DIS3L2: variants seen among roughly 807,000 people sequenced by gnomAD.
The protein encoded by DIS3L2 is DIS3-like exonuclease 2.
In DIS3L2, 34 loss-of-function variants were observed where a neutral mutation model predicts 97.5. The ratio of observed to expected loss-of-function variants is 0.35; its 90% CI spans 0.27 to 0.46. The LOEUF is 0.46. Ranked by LOEUF, DIS3L2 falls within the 20% of genes least tolerant of loss-of-function variation. DIS3L2 has a pLI of 1.00. For missense variants in DIS3L2, 1,038 were observed against 1,146.0 expected (o/e 0.91, Z 1.36); for synonymous variants, 435 against 445.2 (o/e 0.98, Z 0.29).
rs140017779 is a variant in DIS3L2, at chr2:232,124,462, A to G, written c.602-6157A>G. Among the ~76,000 whole-genome samples the G allele has an allele frequency of 4.8e-3, 726 of 152,310 alleles. 5 individuals carry two copies. The highest frequency in any genetic ancestry group is 7.5e-3 in the Non-Finnish European group (512 of 68,032). ...TTTTGAAGAGAAAAAGTCAGTGGAT[A>G]GATTTAACAGCAGATTGGATAAAGT... On this transcript the variant is annotated intron_variant, in intron 6 of 20. Transcript: ENST00000325385.
intron 5 of DIS3L2, among the ~76,000 whole-genome samples, chr2:232,047,010 C>A (rs1434671957): frequency 1.3e-5 from 2 of 152,094 alleles, no homozygotes; most frequent in African/African-American, 4.8e-5. Flanking sequence ...TTACTGGACT[C>A]CAGCTTCACT....
At chr2:232,113,809 C>A (rs1697617022) in intron 6 of DIS3L2, among the ~76,000 whole-genome samples, 1 of 152,222 alleles carries the variant, frequency 6.6e-6, no homozygotes, top group African/African-American at 2.4e-5. Flanking sequence ...AACAAACCTC[C>A]TTCTTGCCTG....
intron 1 of DIS3L2, among the ~76,000 whole-genome samples, chr2:231,976,528 C>T (rs922875936): frequency 2.6e-5 from 4 of 151,176 alleles, no homozygotes; most frequent in Non-Finnish European, 4.4e-5. Flanking sequence ...ACTTGGGGGG[C>T]TGTGGTGGGA....
chr2:232,042,704 A>T (rs1202977370), intron 5 of DIS3L2, among the ~76,000 whole-genome samples: 1 of 152,234 alleles, frequency 6.6e-6, no homozygotes, highest in Non-Finnish European at 1.5e-5. Context: ...GAAATGTCTG[A>T]AATAAGGAGT....
Position 232,029,998 on chromosome 2 carries a change from T to G in DIS3L2, c.284T>G (p.Phe95Cys). Reference sequence around the variant, plus strand: ...ACCTAGGATGGTGATCGAGACATTTTTATTGATGGGGTTGTTGCTCGTAAT... The same window carrying G: ...ACCTAGGATGGTGATCGAGACATTTGTATTGATGGGGTTGTTGCTCGTAAT... The part of the protein sequence containing the change: ...IPSPDGDRDI[F>C]IDGVVARNRA... Residue 95 changes from phenylalanine (F) to cysteine (C), a missense_variant, in exon 5 of 21, where the codon TTT becomes TGT. Phe to Cys is a radical substitution (Grantham distance 205). Around this residue, in one of 3 missense-constraint regions of DIS3L2, gnomAD observed 813 missense variants for 880.1 expected, o/e 0.92. Transcript: ENST00000325385. 1 of 1,605,622 alleles carries G rather than the reference T, an allele frequency of 6.2e-7. No individual in the cohort carries two copies. The highest frequency in any genetic ancestry group is 1.1e-5 in the South Asian group (1 of 88,926).
intron 13 of DIS3L2, among the ~76,000 whole-genome samples, chr2:232,294,659 T>C (rs1694681153): frequency 6.6e-6 from 1 of 152,102 alleles, no homozygotes; most frequent in Non-Finnish European, 1.5e-5. Flanking sequence ...TCAACTCCCT[T>C]ATCCAGTGAC....
At chr2:232,161,650 T>A (rs1690655154) in intron 8 of DIS3L2, among the ~76,000 whole-genome samples, 1 of 152,164 alleles carries the variant, frequency 6.6e-6, no homozygotes, top group South Asian at 2.1e-4. Flanking sequence ...TTTGTATTTT[T>A]AGTAGAAACG....
chr2:232,160,788 C>A (rs778977604), intron 8 of DIS3L2, among the ~76,000 whole-genome samples: 1 of 152,042 alleles, frequency 6.6e-6, no homozygotes, highest in South Asian at 2.1e-4. Flanking sequence ...CCTGGGAAGT[C>A]GAGGCTGCAG....
intron 9 of DIS3L2, among the ~76,000 whole-genome samples, chr2:232,205,238 A>ATATATATATAT (rs1691998820): frequency 6.9e-6 from 1 of 144,178 alleles, no homozygotes; most frequent in African/African-American, 2.6e-5. Context: ...ATATATATAT[A>ATATATATATAT]AAATGCAGTG....
chr2:232,204,190 A>C (rs750828068), intron 9 of DIS3L2, among the ~76,000 whole-genome samples: 1 of 152,168 alleles, frequency 6.6e-6, no homozygotes, highest in Non-Finnish European at 1.5e-5. Context: ...CAAAGTGGTG[A>C]GTAAATGTTG....
At chr2:232,213,913 G>A (rs1416429204) in intron 10 of DIS3L2, among the ~76,000 whole-genome samples, 2 of 152,026 alleles carry the variant, frequency 1.3e-5, no homozygotes, top group Non-Finnish European at 2.9e-5. Flanking sequence ...GGTTGCAGGC[G>A]GAGGAGAGGG....
intron 13 of DIS3L2, among the ~76,000 whole-genome samples, chr2:232,270,149 G>A (rs943471385): frequency 7.2e-5 from 11 of 152,114 alleles, no homozygotes; most frequent in Non-Finnish European, 1.6e-4. Flanking sequence ...GTCGAGAAGA[G>A]AGATGATGAT....
At chr2:231,984,547 C>T (rs890117508) in intron 1 of DIS3L2, among the ~76,000 whole-genome samples, 3 of 151,630 alleles carry the variant, frequency 2.0e-5, no homozygotes, top group East Asian at 1.9e-4. Flanking sequence ...CTACCACGCC[C>T]GGCTAATTTT....
At chr2:232,000,668 CT>C (rs1693865500) in intron 1 of DIS3L2, among the ~76,000 whole-genome samples, 2 of 106,092 alleles carry the variant, frequency 1.9e-5, no homozygotes, top group East Asian at 2.4e-4. Context: ...CTTTCTCTTT[CT>C]CTCTTTCTCT....
chr2:232,274,688 TA>T (rs1178914981), intron 13 of DIS3L2, among the ~76,000 whole-genome samples: 2 of 152,342 alleles, frequency 1.3e-5, no homozygotes, highest in South Asian at 2.1e-4. Context: ...CATGGATCAG[TA>T]AGATTTCCAA....
rs566869908 is a variant in DIS3L2, at chr2:232,099,366, C to T, written c.601+11645C>T. Among the ~76,000 whole-genome samples, 320 of 152,152 alleles carry T rather than the reference C, an allele frequency of 2.1e-3. 2 individuals are homozygous for T. The highest frequency in any genetic ancestry group is 7.3e-3 in the African/African-American group (303 of 41,492). On this transcript the variant is annotated intron_variant, in intron 6 of 20. Transcript: ENST00000325385. ...AAGTAGCTGGGATTACAGATGTACA[C>T]CATCACACCCAGATAATTTTTGTAT...
At chr2:231,985,687 C>T (rs1693390912) in intron 1 of DIS3L2, among the ~76,000 whole-genome samples, 1 of 152,204 alleles carries the variant, frequency 6.6e-6, no homozygotes, top group Admixed American at 6.5e-5. Context: ...CAAATATAAA[C>T]TAAAATTTTT....
chr2:232,086,359 GTGTATATGTATA>G (rs59054040), intron 5 of DIS3L2, among the ~76,000 whole-genome samples: 2,842 of 138,182 alleles, frequency 0.021, 55 homozygotes, highest in African/African-American at 0.051. Context: ...GTATATATAT[GTGTATATGTATA>G]TGTATATGTA....
At chr2:232,000,349 A>G (rs1406113918) in intron 1 of DIS3L2, among the ~76,000 whole-genome samples, 2 of 152,198 alleles carry the variant, frequency 1.3e-5, no homozygotes, top group Non-Finnish European at 2.9e-5. Flanking sequence ...GTGATATACA[A>G]TAGATCTCTT....
Sources: allele counts gnomAD v4.1 joint callset (sites outside exome capture counted in the v4.1 genomes callset), GRCh38; gene constraint gnomAD v4.1.1; regional missense constraint gnomAD v4.1.1; transcripts MANE v1.5; gene names NCBI Gene and HGNC (gene_info 2026-07-23, HGNC 2026-07-21).